TSPAN7: variants seen among roughly 807,000 people sequenced by gnomAD.
The protein encoded by TSPAN7 is tetraspanin-7.
Under a neutral mutation model 17.6 loss-of-function variants are expected in TSPAN7, and 1 was observed. The observed-to-expected ratio is 0.06, with a 90% confidence interval of 0.02 to 0.27. The LOEUF is 0.27. Ranked by LOEUF, TSPAN7 falls within the 10% of genes least tolerant of loss-of-function variation. The probability of loss-of-function intolerance (pLI) is 1.00; values close to 1 mark genes in which losing one functional copy is unlikely to be tolerated. For synonymous variants in TSPAN7, 78 were observed against 79.0 expected, an observed-to-expected ratio of 0.99 and a Z score of 0.07; for missense variants, 112 against 201.7, an observed-to-expected ratio of 0.56 and a Z score of 2.69.
At chrX:38,634,824 G>A (rs1477286127) in intron 1 of TSPAN7, among the ~76,000 whole-genome samples, 1 of 111,076 alleles carries the variant, frequency 9.0e-6, no homozygotes, top group Non-Finnish European at 1.9e-5. Context: ...TGAGACTCAA[G>A]AGGTGCAAGG....
At chrX:38,676,718 G>A in intron 5 of TSPAN7, among the ~76,000 whole-genome samples, 1 of 111,704 alleles carries the variant, frequency 9.0e-6, no homozygotes, top group South Asian at 3.8e-4. Context: ...ATGTGATCTG[G>A]ACCAGCTACT....
At chrX:38,671,567 T>C in intron 3 of TSPAN7, 117 bp downstream of exon 3, 1 of 733,445 alleles carries the variant, frequency 1.4e-6, no homozygotes. Flanking sequence ...AGTGGTGTTG[T>C]TGTTTTCCAA....
At chrX:38,634,365 C>T (rs994716860) in intron 1 of TSPAN7, among the ~76,000 whole-genome samples, 1 of 112,462 alleles carries the variant, frequency 8.9e-6, no homozygotes, top group African/African-American at 3.2e-5. Context: ...CATTCCACAA[C>T]TCATGCATAT....
intron 2 of TSPAN7, among the ~76,000 whole-genome samples, chrX:38,668,403 A>G (rs1324281368): frequency 8.9e-6 from 1 of 112,403 alleles, no homozygotes; most frequent in Non-Finnish European, 1.9e-5. Context: ...GCTTCACACC[A>G]CACTACCATT....
chrX:38,588,002 G>A (rs181531743), intron 1 of TSPAN7, among the ~76,000 whole-genome samples: 70 of 111,958 alleles, frequency 6.3e-4, no homozygotes, highest in African/African-American at 2.1e-3. Context: ...TTCCATTGCT[G>A]AACCACCTTC....
rs184585124 is a variant in TSPAN7 at position 38,651,489 on chromosome X, G to C, written c.82-14632G>C. Reference sequence around the variant, plus strand: ...CCCCAAAAAGAAGTCAGTCATAAGAGGTATGTGGAAAATCTTAAGCACATT... The same window carrying C: ...CCCCAAAAAGAAGTCAGTCATAAGACGTATGTGGAAAATCTTAAGCACATT... On this transcript the variant is annotated intron_variant, in intron 1 of 7. Transcript: ENST00000378482. 2.7e-5 allele frequency among the ~76,000 whole-genome samples: 3 copies of C among 111,796 alleles called. No homozygotes were observed. The Admixed American group carries it at 2.8e-4, about 11-fold the overall frequency.
intron 1 of TSPAN7, among the ~76,000 whole-genome samples, chrX:38,651,128 G>A (rs2069673777): frequency 9.1e-6 from 1 of 109,382 alleles, no homozygotes; most frequent in Admixed American, 9.8e-5. Context: ...AGATGACTGG[G>A]GATGCAGATA....
intron 2 of TSPAN7, among the ~76,000 whole-genome samples, chrX:38,668,423 T>TA (rs2069797375): frequency 8.9e-6 from 1 of 112,403 alleles, no homozygotes; most frequent in African/African-American, 3.2e-5. Flanking sequence ...TTTCTTCTCC[T>TA]AACACAAGTT....
At chrX:38,604,142 G>A (rs865834964) in intron 1 of TSPAN7, among the ~76,000 whole-genome samples, 1 of 101,111 alleles carries the variant, frequency 9.9e-6, no homozygotes, top group Non-Finnish European at 2.0e-5. Flanking sequence ...TTGTTCTTGC[G>A]ATAGTTTACT....
Position 38,618,943 on chromosome X carries a change from CTG to C in TSPAN7, c.82-47174_82-47173del, listed in dbSNP as rs1382390270. Among the ~76,000 whole-genome samples the C allele has an allele frequency of 5.4e-5, 6 of 111,443 alleles. No homozygotes were observed. The East Asian group carries it at 1.4e-3, about 26-fold the overall frequency. On this transcript the variant is annotated intron_variant, in intron 1 of 7. Transcript: ENST00000378482. ...GTGGCTTTTCTTCTTGGCGGTGAAA[CTG>C]TGTCTTTGAAGACATTGCACTTTGG...
chrX:38,675,573 T>C, intron 4 of TSPAN7, 132 bp from the exon 5 acceptor site: 1 of 744,731 alleles, frequency 1.3e-6, no homozygotes, highest in African/African-American at 2.1e-5. Flanking sequence ...CCATTCATCT[T>C]GACTCACCAA....
chrX:38,661,916 T>G (rs1335377604), intron 1 of TSPAN7, among the ~76,000 whole-genome samples: 1 of 111,067 alleles, frequency 9.0e-6, no homozygotes, highest in East Asian at 2.8e-4. Context: ...AAAGTACATG[T>G]GTGGAGTGAA....
intron 1 of TSPAN7, among the ~76,000 whole-genome samples, chrX:38,620,207 A>C (rs1250904459): frequency 1.8e-5 from 2 of 111,334 alleles, no homozygotes; most frequent in Non-Finnish European, 3.8e-5. Context: ...TTCAGTTGCA[A>C]CTCTAACTCA....
At chrX:38,583,992 C>T (rs186151735) in intron 1 of TSPAN7, among the ~76,000 whole-genome samples, 86 of 80,490 alleles carry the variant, frequency 1.1e-3, no homozygotes, top group African/African-American at 4.2e-3. Context: ...CTTGCTCTGT[C>T]GCCCAGGCTG....
At chrX:38,646,985 C>T (rs1031480463) in intron 1 of TSPAN7, among the ~76,000 whole-genome samples, 2 of 111,370 alleles carry the variant, frequency 1.8e-5, no homozygotes, top group African/African-American at 6.5e-5. Flanking sequence ...GATAACTCAG[C>T]CTGAAAGCCA....
intron 1 of TSPAN7, among the ~76,000 whole-genome samples, chrX:38,571,623 A>G (rs1486365323): frequency 1.8e-5 from 2 of 111,282 alleles, no homozygotes; most frequent in African/African-American, 3.3e-5. Context: ...CATGCTAATC[A>G]TTCCTGACTA....
At position 38,648,435 on chromosome X, in the gene TSPAN7, T is replaced by C. The variant is rs922892440; in HGVS notation, c.82-17686T>C. Among the ~76,000 whole-genome samples the C allele has an allele frequency of 3.6e-5, 4 of 111,999 alleles. No individual in the cohort carries two copies. In the Admixed American group the frequency reaches 3.8e-4, roughly 11 times the overall value. On this transcript the variant is annotated intron_variant, in intron 1 of 7. Coordinates refer to ENST00000378482, the MANE Select transcript of TSPAN7 (RefSeq NM_004615.4). Reference sequence around the variant, plus strand: ...TTTTAGGATTTCTATTGCTGTAGCTTAGTTGAGCCATTTACATTTTATTTA... The same window carrying C: ...TTTTAGGATTTCTATTGCTGTAGCTCAGTTGAGCCATTTACATTTTATTTA...
At chrX:38,591,883 A>G (rs1335773777) in intron 1 of TSPAN7, among the ~76,000 whole-genome samples, 1 of 112,217 alleles carries the variant, frequency 8.9e-6, no homozygotes, top group Admixed American at 9.4e-5. Flanking sequence ...CTGTTATCGC[A>G]CTGCTATAAA....
intron 1 of TSPAN7, among the ~76,000 whole-genome samples, chrX:38,653,954 T>C (rs930951932): frequency 8.9e-6 from 1 of 112,094 alleles, no homozygotes; most frequent in Non-Finnish European, 1.9e-5. Context: ...CTATAGATCT[T>C]ATTTATTTTT....
Sources: gnomAD v4.1 joint callset for allele counts (sites outside exome capture counted in the v4.1 genomes callset) on GRCh38, gnomAD v4.1.1 for gene constraint, MANE v1.5 for transcripts, NCBI Gene and HGNC (gene_info 2026-07-23, HGNC 2026-07-21) for gene names.